PHYKPL: variants seen among roughly 807,000 people sequenced by gnomAD.
PHYKPL encodes the protein 5-phosphonooxy-L-lysine phospho-lyase.
PHYKPL carries 42 observed loss-of-function variants against 51.3 expected under a neutral mutation model. The ratio of observed to expected loss-of-function variants is 0.82; its 90% CI spans 0.64 to 1.06. The LOEUF (loss-of-function observed/expected upper bound fraction) is 1.06, where lower values mean the gene tolerates loss of function less well. PHYKPL is among the 50% of genes least tolerant of loss of function. The probability of loss-of-function intolerance (pLI) is 0.00; values close to 1 mark genes in which losing one functional copy is unlikely to be tolerated. For synonymous variants in PHYKPL, 264 were observed against 236.0 expected (o/e 1.12, Z -1.09); for missense variants, 655 against 586.6 (o/e 1.12, Z -1.20).
At chr5:178,209,486 G>A (rs775223972) in intron 12 of PHYKPL, 1 of 1,555,898 alleles carries the variant, frequency 6.4e-7, no homozygotes. Context: ...CTGTTTCCCT[G>A]CCTACATGGA....
In PHYKPL at chr5:178,215,720, C is replaced by T. The variant is rs1759637677; in HGVS notation, c.928-290G>A. 1.3e-5 allele frequency: 5 copies of T among 381,140 alleles called. No homozygotes were observed. In the South Asian group the frequency reaches 2.0e-4, roughly 15 times the overall value. The allele number at this position is 381,140 out of a possible 1,614,324, so 23.6% of individuals were successfully genotyped here. A position where few individuals can be genotyped will look rare whatever the true frequency, so the allele number is the denominator to read the frequency against. On this transcript the variant is annotated intron_variant, in intron 8 of 12. Transcript: ENST00000308158. ...GGAGAGGGTGTCCTGTTTGTTCCCA[C>T]AGGGCTAGTCTTTACCAAGAGAGGC... is the stretch of plus-strand genomic sequence containing the variant.
At position 178,208,804 on chromosome 5, in the gene PHYKPL, A is replaced by C. The variant is rs1173346183; in HGVS notation, c.*143T>G. On this transcript the variant is annotated 3_prime_UTR_variant, in exon 13 of 13. Coordinates refer to ENST00000308158, the MANE Select transcript of PHYKPL (RefSeq NM_153373.4). Reference sequence around the variant, plus strand: ...TTAGGAGGAGGGGGTGGGTAGCATTATGGCCTCGGGCAGGCCCCCCCACCC... The same window carrying C: ...TTAGGAGGAGGGGGTGGGTAGCATTCTGGCCTCGGGCAGGCCCCCCCACCC... The C allele has an allele frequency of 6.5e-6, 1 of 153,074 alleles. No individual in the cohort carries two copies. The highest frequency in any genetic ancestry group is 1.5e-5 in the Non-Finnish European group (1 of 68,644). 9.5% of individuals were successfully genotyped at this position (153,074 alleles called of 1,614,324 possible).
At chr5:178,225,287 T>C (rs1762062732) in intron 4 of PHYKPL, 68 bp downstream of exon 4, 1 of 1,576,586 alleles carries the variant, frequency 6.3e-7, no homozygotes, top group Non-Finnish European at 8.7e-7. Context: ...CCAGAGTCAG[T>C]CTCACGGATC....
rs200416755 is a variant in PHYKPL at position 178,230,118 on chromosome 5, C to T, written c.179-19G>A. On this transcript the variant is annotated intron_variant, in intron 2 of 12. Transcript: ENST00000308158. The stretch of plus-strand genomic sequence containing the variant: ...TGCCCAACTGGAAGAGGGCCGCCTC[C>T]GTCACACGGCTGGCTCCACTCAGCC... 4.3e-5 allele frequency: 70 copies of T among 1,612,324 alleles called. No individual in the cohort carries two copies. The highest frequency in any genetic ancestry group is 3.4e-4 in the Middle Eastern group (2 of 5,950).
intron 2 of PHYKPL, 178 bp from the exon 3 acceptor site, chr5:178,230,277 C>G (rs1056037809): frequency 2.9e-6 from 2 of 689,994 alleles, no homozygotes; most frequent in Non-Finnish European, 2.4e-6. Flanking sequence ...AAGGCAGATC[C>G]AGGAGTTCCT....
chr5:178,231,465 G>A lies in PHYKPL; in HGVS notation c.118C>T (p.Gln40Ter), dbSNP rs1478371924. Residue 40 changes from glutamine to a stop codon, truncating the protein, a stop_gained, in exon 2 of 13, where the codon CAG becomes TAG. Coordinates refer to ENST00000308158, the MANE Select transcript of PHYKPL (RefSeq NM_153373.4). LOFTEE classifies it high-confidence loss of function. ...DPVKIVRAQG[Q>*]YMYDEQGAEY... ...GCCCCCTGTTCATCGTACATGTACT[G>A]CCCTTGGGCCCGGACAATCTTAACA... 4 of 1,614,206 alleles carry A rather than the reference G, an allele frequency of 2.5e-6. No homozygotes were observed. Among genetic ancestry groups the A allele is most frequent in the South Asian group, 2.2e-5 (2 of 91,084 alleles).
intron 8 of PHYKPL, among the ~76,000 whole-genome samples, 182 bp downstream of exon 8, chr5:178,222,173 A>G (rs1761292448): frequency 6.6e-6 from 1 of 152,224 alleles, no homozygotes; most frequent in African/African-American, 2.4e-5. Context: ...GATTGACACT[A>G]ATTTTAAAAG....
rs1763045450 is a variant in PHYKPL, at chr5:178,229,925, CCA to C, written c.338+13_338+14del. ...GTCTCACCCTCTTCCCGGGGGCTGG[CCA>C]CAGTCCACTTACCCAGAATTCAGGA... is the stretch of plus-strand genomic sequence containing the variant. On this transcript the variant is annotated intron_variant, in intron 3 of 12. Transcript: ENST00000308158. 6.2e-7 allele frequency: 1 copy of C among 1,611,186 alleles called. No individual in the cohort carries two copies. Among genetic ancestry groups the C allele is most frequent in the Admixed American group, 1.7e-5 (1 of 59,990 alleles).
At position 178,232,799 on chromosome 5, in the gene PHYKPL, G is replaced by A. The variant is rs1050407003; in HGVS notation, c.-249C>T. The A allele has an allele frequency of 9.0e-6, 3 of 331,514 alleles. No homozygotes were observed. The highest frequency in any genetic ancestry group is 1.5e-5 in the Non-Finnish European group (3 of 197,010). 20.5% of individuals were successfully genotyped at this position (331,514 alleles called of 1,614,324 possible). A position where few individuals can be genotyped will look rare whatever the true frequency, so the allele number is the denominator to read the frequency against. On this transcript the variant is annotated 5_prime_UTR_variant, in exon 1 of 13. The change creates a new upstream start codon in the 5' untranslated region. Coordinates refer to ENST00000308158, the MANE Select transcript of PHYKPL (RefSeq NM_153373.4). ...CGCGCAGGAACTCGAGCGCTGCCCC[G>A]TCTCTGGTTCCGGGACGCGCCCCGG...
Position 178,211,960 on chromosome 5 carries a change from C to T in PHYKPL, c.1314G>A (p.Glu438=), listed in dbSNP as rs780596985. The T allele has an allele frequency of 1.2e-6, 2 of 1,614,092 alleles. No individual in the cohort carries two copies. The highest frequency in any genetic ancestry group is 1.3e-5 in the African/African-American group (1 of 74,934). The change falls in exon 12 of 13, where the codon GAG becomes GAA. Residue 438 remains glutamate (E), a synonymous_variant. Coordinates refer to ENST00000308158, the MANE Select transcript of PHYKPL (RefSeq NM_153373.4). ...TCAGCGTTTCACAACTTCTCACCTT[C>T]TCTTCCATGTCTGAAAAAGACCACA... The part of the protein sequence containing the change: ...KLDAILTDME[E]KVRSCETLRL...
At chr5:178,224,419 CTGGAT>C (rs755109983) in intron 6 of PHYKPL, 24 bp downstream of exon 6, 12 of 1,533,454 alleles carry the variant, frequency 7.8e-6, no homozygotes, top group Middle Eastern at 1.8e-4. Flanking sequence ...TCACTGTTGG[CTGGAT>C]TGGACAGGCG....
At chr5:178,228,629 A>T in intron 3 of PHYKPL, 2 of 702,484 alleles carry the variant, frequency 2.8e-6, no homozygotes, top group Non-Finnish European at 2.6e-6. Context: ...CCTAGAAATT[A>T]TCTGGGGGGC....
At chr5:178,215,152 C>CAAA in intron 9 of PHYKPL, 124 bp downstream of exon 9, 1 of 1,482,382 alleles carries the variant, frequency 6.7e-7, no homozygotes, top group East Asian at 2.3e-5. Context: ...TAGCACCTCT[C>CAAA]AGTGTCTCAG....
intron 1 of PHYKPL, 165 bp downstream of exon 1, chr5:178,232,327 G>A: frequency 2.4e-6 from 3 of 1,265,802 alleles, no homozygotes; most frequent in East Asian, 3.4e-5. Flanking sequence ...CGCCCGCCTC[G>A]GGCCCTAGAA....
chr5:178,210,394 C>G lies in PHYKPL; in HGVS notation c.*32-1479G>C, dbSNP rs953624718. 1.2e-5 allele frequency: 19 copies of G among 1,565,720 alleles called. No individual in the cohort carries two copies. In the African/African-American group the frequency reaches 2.5e-4, roughly 20 times the overall value. On this transcript the variant is annotated intron_variant, in intron 12 of 12. Transcript: ENST00000308158. ...GACAGGCCTGGCTCAGCCATGGGAG[C>G]TACTTGATTTTGAGCCTTAGACTTC...
At chr5:178,217,643 G>A (rs945414065) in intron 8 of PHYKPL, among the ~76,000 whole-genome samples, 1 of 151,618 alleles carries the variant, frequency 6.6e-6, no homozygotes, top group Non-Finnish European at 1.5e-5. Context: ...TGGATCATGA[G>A]GTCAGGAGAT....
At chr5:178,230,217 GAA>G (rs1490288217) in intron 2 of PHYKPL, 118 bp from the exon 3 acceptor site, 12 of 1,297,338 alleles carry the variant, frequency 9.2e-6, no homozygotes, top group Non-Finnish European at 1.3e-5. Context: ...GGGAGAGGTA[GAA>G]AGAGGGCAGT....
chr5:178,225,686 A>G, intron 3 of PHYKPL: 1 of 507,982 alleles, frequency 2.0e-6, no homozygotes, highest in South Asian at 2.4e-5. Flanking sequence ...GTTGTTTTGA[A>G]AAAACCCAAA....
rs1044316457 is a variant in PHYKPL at position 178,223,016 on chromosome 5, T to C, written c.619-82A>G. 3.7e-5 allele frequency: 50 copies of C among 1,366,036 alleles called. 1 individual carries two copies. In the South Asian group the frequency reaches 5.4e-4, roughly 15 times the overall value. The allele number at this position is 1,366,036 out of a possible 1,614,324, so 84.6% of individuals were successfully genotyped here. On this transcript the variant is annotated intron_variant, in intron 6 of 12. Coordinates refer to ENST00000308158, the MANE Select transcript of PHYKPL (RefSeq NM_153373.4). ...GCGTGCCCTGCTAGTGCTGGCTTAG[T>C]CCAAGCAAGACAAGTCACCATCAGT... is the stretch of plus-strand genomic sequence containing the variant.
Sources: gnomAD v4.1 joint callset for allele counts (sites outside exome capture counted in the v4.1 genomes callset) on GRCh38, gnomAD v4.1.1 for gene constraint, MANE v1.5 for transcripts, NCBI Gene and HGNC (gene_info 2026-07-23, HGNC 2026-07-21) for gene names.